UBB: variants seen among roughly 807,000 people sequenced by gnomAD.
The protein encoded by UBB is polyubiquitin-B.
In UBB, 11 loss-of-function variants were observed where a neutral mutation model predicts 12.5. The observed-to-expected ratio is 0.88, with a 90% CI of 0.55 to 1.45. The LOEUF (loss-of-function observed/expected upper bound fraction) is 1.45. Among genes scored for constraint, UBB ranks in the 40% most tolerant of loss-of-function variants. The pLI is 0.00. For synonymous variants in UBB, 168 were observed against 120.1 expected (o/e 1.40, Z -2.61); for missense variants, 76 against 286.9 (o/e 0.26, Z 5.31).
chr17:16,381,972 C>G lies in UBB; in HGVS notation c.65C>G (p.Thr22Ser), dbSNP rs1468521875. 1 of 1,613,768 alleles carries G rather than the reference C, an allele frequency of 6.2e-7. No individual in the cohort carries two copies. Among genetic ancestry groups the G allele is most frequent in the Non-Finnish European group, 8.5e-7 (1 of 1,179,888 alleles). The change falls in exon 2 of 2, where the codon ACC becomes AGC. Residue 22 changes from threonine (T) to serine (S), a missense_variant. Transcript: ENST00000302182. ...ACCCTTGAGGTGGAGCCCAGTGACA[C>G]CATCGAAAATGTGAAGGCCAAGATC... ...TITLEVEPSD[T>S]IENVKAKIQD...
At chr17:16,381,818 T>A in intron 1 of UBB, 84 bp from the exon 2 acceptor site, 1 of 1,479,346 alleles carries the variant, frequency 6.8e-7, no homozygotes, top group Non-Finnish European at 9.1e-7. Flanking sequence ...AAGGAATAGT[T>A]GCTAATTTTG....
upstream of UBB, chr17:16,380,962 C>T (rs1235357180): frequency 6.5e-6 from 1 of 153,640 alleles, no homozygotes; most frequent in Admixed American, 6.6e-5. Flanking sequence ...AGTTGAAAAG[C>T]CTAAACTGCC....
At chr17:16,381,653 G>C (rs1181805394) in intron 1 of UBB, 1 of 564,464 alleles carries the variant, frequency 1.8e-6, no homozygotes, top group Admixed American at 3.1e-5. Flanking sequence ...ATCCGGAACA[G>C]TTAGTGGGGA....
Position 16,382,644 on chromosome 17 carries a change from C to T in UBB, c.*47C>T. The T allele has an allele frequency of 1.3e-6, 2 of 1,598,694 alleles. No individual in the cohort carries two copies. Among genetic ancestry groups the T allele is most frequent in the Non-Finnish European group, 1.7e-6 (2 of 1,170,202 alleles). ...AGTGCCCAGTGATGGCATTACTCTG[C>T]ACTATAGCCATTTGCCCCAACTTAA... On this transcript the variant is annotated 3_prime_UTR_variant, in exon 2 of 2. Transcript: ENST00000302182.
At chr17:16,381,822 A>T in intron 1 of UBB, 80 bp from the exon 2 acceptor site, 6 of 1,498,076 alleles carry the variant, frequency 4.0e-6, no homozygotes, top group Non-Finnish European at 5.4e-6. Context: ...AATAGTTGCT[A>T]ATTTTGAAGA....
chr17:16,382,562 C>T lies in UBB; in HGVS notation c.655C>T (p.Leu219=), dbSNP rs2142926952. The T allele has an allele frequency of 6.2e-7, 1 of 1,613,966 alleles. No individual in the cohort carries two copies. The highest frequency in any genetic ancestry group is 1.7e-4 in the Middle Eastern group (1 of 5,982). The change falls in exon 2 of 2, where the codon CTG becomes TTG. Residue 219 remains leucine, a synonymous_variant. Transcript: ENST00000302182. Reference sequence around the variant, plus strand: ...CTACAACATCCAGAAAGAGTCGACCCTGCACCTGGTCCTGCGCCTGAGGGG... The same window carrying T: ...CTACAACATCCAGAAAGAGTCGACCTTGCACCTGGTCCTGCGCCTGAGGGG... ...SDYNIQKEST[L]HLVLRLRGGC
Position 16,381,117 on chromosome 17 carries a change from T to C in UBB, c.-74T>C, listed in dbSNP as rs747672903. On this transcript the variant is annotated 5_prime_UTR_variant, in exon 1 of 2. Transcript: ENST00000302182. ...TTTAGGGGCGGTTGGCTTTGTTGGG[T>C]GAGCTTGTTTGTGTCCCTGTGGGTG... 1 of 150,654 alleles carries C rather than the reference T, an allele frequency of 6.6e-6. No individual in the cohort carries two copies. Among genetic ancestry groups the C allele is most frequent in the Non-Finnish European group, 1.5e-5 (1 of 67,640 alleles). The allele number at this position is 150,654 out of a possible 1,614,324, so 9.3% of individuals were successfully genotyped here. A position where few individuals can be genotyped will look rare whatever the true frequency, so the allele number is the denominator to read the frequency against.
At chr17:16,381,833 A>G in intron 1 of UBB, 69 bp from the exon 2 acceptor site, 2 of 1,546,624 alleles carry the variant, frequency 1.3e-6, no homozygotes, top group African/African-American at 1.4e-5. Context: ...ATTTTGAAGA[A>G]TATTAGGTGT....
At chr17:16,380,897 G>A (rs768425935), upstream of UBB, 2 of 153,770 alleles carry the variant, frequency 1.3e-5, no homozygotes, top group African/African-American at 4.8e-5. Context: ...GCATAGAGGA[G>A]AAGGGAAATA....
At chr17:16,381,818 T>C in intron 1 of UBB, 84 bp from the exon 2 acceptor site, 2 of 1,479,346 alleles carry the variant, frequency 1.4e-6, no homozygotes, top group East Asian at 4.8e-5. Flanking sequence ...AAGGAATAGT[T>C]GCTAATTTTG....
intron 1 of UBB, 137 bp from the exon 2 acceptor site, chr17:16,381,765 T>A: frequency 1.7e-6 from 2 of 1,173,446 alleles, no homozygotes; most frequent in South Asian, 3.2e-5. Context: ...CTTGTAAAAT[T>A]GAGGGGAGGC....
At chr17:16,381,356 G>C in intron 1 of UBB, 172 bp downstream of exon 1, 1 of 176,220 alleles carries the variant, frequency 5.7e-6, no homozygotes, top group East Asian at 1.5e-4. Flanking sequence ...TTGTTGACCT[G>C]AGGGGGGCGA....
In UBB at chr17:16,382,666, T is replaced by A; in HGVS notation, c.*69T>A. 1 of 1,571,222 alleles carries A rather than the reference T, an allele frequency of 6.4e-7. No individual in the cohort carries two copies. Among genetic ancestry groups the A allele is most frequent in the Non-Finnish European group, 8.7e-7 (1 of 1,155,442 alleles). ...CTGCACTATAGCCATTTGCCCCAAC[T>A]TAAGTTTAGAAATTACAAGTTTCAG... On this transcript the variant is annotated 3_prime_UTR_variant, in exon 2 of 2. Transcript: ENST00000302182.
chr17:16,382,438 T>C lies in UBB; in HGVS notation c.531T>C (p.Asn177=), dbSNP rs1207824716. The change falls in exon 2 of 2, where the codon AAT becomes AAC. Residue 177 remains asparagine, a synonymous_variant. Coordinates refer to ENST00000302182, the MANE Select transcript of UBB (RefSeq NM_018955.4). ...TGGAGCCCAGTGACACCATCGAAAA[T>C]GTGAAGGCCAAGATCCAAGATAAAG... ...LEVEPSDTIE[N]VKAKIQDKEG... 4 of 1,608,656 alleles carry C rather than the reference T, an allele frequency of 2.5e-6. No homozygotes were observed. The highest frequency in any genetic ancestry group is 2.2e-5 in the East Asian group (1 of 44,742).
Position 16,382,467 on chromosome 17 carries a change from G to T in UBB, c.560G>T (p.Gly187Val). Residue 187 changes from glycine (G) to valine (V), a missense_variant, in exon 2 of 2, where the codon GGC (glycine) becomes GTC (valine). By Grantham distance (109) the Gly-to-Val change is moderately radical. Transcript: ENST00000302182. ...AAGGCCAAGATCCAAGATAAAGAAG[G>T]CATCCCCCCCGACCAGCAGAGGCTC... is the stretch of plus-strand genomic sequence containing the variant. ...NVKAKIQDKE[G>V]IPPDQQRLIF... 1.9e-6 allele frequency: 3 copies of T among 1,611,016 alleles called. No homozygotes were observed. Among genetic ancestry groups the T allele is most frequent in the Non-Finnish European group, 2.5e-6 (3 of 1,179,416 alleles).
In UBB at chr17:16,382,617, G is replaced by A. The variant is rs757183745; in HGVS notation, c.*20G>A. 6.1e-5 allele frequency: 98 copies of A among 1,613,312 alleles called. 1 individual carries two copies. In the South Asian group the frequency reaches 7.4e-4, roughly 12 times the overall value. On this transcript the variant is annotated 3_prime_UTR_variant, in exon 2 of 2. Transcript: ENST00000302182. ...TGTTAATTCTTCAGTCATGGCATTC[G>A]CAGTGCCCAGTGATGGCATTACTCT...
Position 16,382,332 on chromosome 17 carries a change from C to G in UBB, c.425C>G (p.Thr142Ser). Residue 142 changes from threonine (T) to serine (S), a missense_variant, in exon 2 of 2, where the codon ACC (threonine) becomes AGC (serine). Coordinates refer to ENST00000302182, the MANE Select transcript of UBB (RefSeq NM_018955.4). ...LSDYNIQKES[T>S]LHLVLRLRGG... Reference sequence around the variant, plus strand: ...GACTACAACATCCAGAAGGAGTCGACCCTGCACCTGGTCCTGCGTCTGAGA... The same window carrying G: ...GACTACAACATCCAGAAGGAGTCGAGCCTGCACCTGGTCCTGCGTCTGAGA... The G allele has an allele frequency of 6.2e-7, 1 of 1,602,252 alleles. No individual in the cohort carries two copies. The highest frequency in any genetic ancestry group is 8.5e-7 in the Non-Finnish European group (1 of 1,176,788).
intron 1 of UBB, chr17:16,381,622 T>G (rs2093275728): frequency 4.1e-6 from 2 of 482,004 alleles, no homozygotes; most frequent in Non-Finnish European, 7.5e-6. Flanking sequence ...CAGATTGGAG[T>G]TCGGTCGGGG....
chr17:16,381,890 C>T lies in UBB; in HGVS notation c.-6-12C>T. Reference sequence around the variant, plus strand: ...CCTGAGGTGACACGCTTATGTTTTACTTTTAAACTAGGTCAAAATGCAGAT... The same window carrying T: ...CCTGAGGTGACACGCTTATGTTTTATTTTTAAACTAGGTCAAAATGCAGAT... On this transcript the variant is annotated splice_polypyrimidine_tract_variant and intron_variant, in intron 1 of 1. Transcript: ENST00000302182. 6.2e-7 allele frequency: 1 copy of T among 1,613,662 alleles called. No individual in the cohort carries two copies. Among genetic ancestry groups the T allele is most frequent in the East Asian group, 2.2e-5 (1 of 44,890 alleles).
Sources: gnomAD v4.1 joint callset for allele counts on GRCh38, gnomAD v4.1.1 for gene constraint, MANE v1.5 for transcripts, NCBI Gene and HGNC (gene_info 2026-07-23, HGNC 2026-07-21) for gene names.